PLEKHG1: variants seen among roughly 807,000 people sequenced by gnomAD.
PLEKHG1 encodes the protein pleckstrin homology domain-containing family G member 1.
PLEKHG1 carries 44 observed loss-of-function variants against 100.8 expected under a neutral mutation model. The ratio of observed to expected loss-of-function variants is 0.44; its 90% CI spans 0.34 to 0.56. The LOEUF is 0.56. PLEKHG1 is among the 20% of genes least tolerant of loss of function. The probability of loss-of-function intolerance (pLI) is 0.01; values close to 1 mark genes in which losing one functional copy is unlikely to be tolerated. For missense variants in PLEKHG1, 1,545 were observed against 1,720.9 expected (o/e 0.90, Z 1.81); for synonymous variants, 640 against 662.5 (o/e 0.97, Z 0.52).
At chr6:150,782,642 A>G (rs1247081195) in intron 3 of PLEKHG1, among the ~76,000 whole-genome samples, 4 of 152,224 alleles carry the variant, frequency 2.6e-5, no homozygotes, top group Non-Finnish European at 5.9e-5. Context: ...TGCAACAGAT[A>G]GAATGCAGAA....
Position 150,683,647 on chromosome 6 carries a change from A to G in PLEKHG1, c.-99+32861A>G. On this transcript the variant is annotated intron_variant, in intron 3 of 3. Transcript: ENST00000367326. The surrounding 1 kb of genome is among the most constrained non-coding windows in gnomAD (Gnocchi z 4.0). Reference sequence around the variant, plus strand: ...CTTGGACACTGTGCATCCACCTGCTATAACTGGCAAACTAAGGATGACAGA... The same window carrying G: ...CTTGGACACTGTGCATCCACCTGCTGTAACTGGCAAACTAAGGATGACAGA... The G allele has an allele frequency of 2.1e-6, 1 of 467,862 alleles. No homozygotes were observed. The highest frequency in any genetic ancestry group is 3.5e-6 in the Non-Finnish European group (1 of 282,840). The allele number at this position is 467,862 out of a possible 1,614,324, so 29.0% of individuals were successfully genotyped here.
chr6:150,839,516 T>A (rs544027628), intron 15 of PLEKHG1, among the ~76,000 whole-genome samples: 1 of 152,356 alleles, frequency 6.6e-6, no homozygotes, highest in South Asian at 2.1e-4. Flanking sequence ...GCACTGACAC[T>A]GTTTTATGCT....
chr6:150,831,971 C>T lies in PLEKHG1; in HGVS notation c.2860C>T (p.Leu954=). ...TCCCTACGACCTGGCCAACAGTGGC[C>T]TGTCTCAAACAGACCCAGAAAACCC... Residue 954 remains leucine (L), a synonymous_variant, in exon 15 of 16, where the codon CTG becomes TTG. Coordinates refer to ENST00000358517, the Ensembl canonical transcript of PLEKHG1. This position sits in a 1 kb window ranked among gnomAD's most constrained non-coding sequence, Gnocchi z 4.1. 6.2e-7 allele frequency: 1 copy of T among 1,612,678 alleles called. No individual in the cohort carries two copies. Among genetic ancestry groups the T allele is most frequent in the Non-Finnish European group, 8.5e-7 (1 of 1,179,208 alleles).
At chr6:150,707,158 C>T (rs1781057172) in intron 3 of PLEKHG1, among the ~76,000 whole-genome samples, 2 of 151,760 alleles carry the variant, frequency 1.3e-5, no homozygotes, top group African/African-American at 4.8e-5. Context: ...GTGCGCGCCA[C>T]CATGCCTGGC....
rs954025586 is a variant in PLEKHG1, at chr6:150,818,281, A to G, written c.1312+65A>G. On this transcript the variant is annotated intron_variant, in intron 11 of 15. Transcript: ENST00000358517. Reference sequence around the variant, plus strand: ...TCTGTTTGTATCTATCACATTTTCTATCTTAAAGTTCATGAAAATGTCGAT... The same window carrying G: ...TCTGTTTGTATCTATCACATTTTCTGTCTTAAAGTTCATGAAAATGTCGAT... 40 of 1,158,400 alleles carry G rather than the reference A, an allele frequency of 3.5e-5. No homozygotes were observed. In the Admixed American group the frequency reaches 7.2e-4, roughly 21 times the overall value. 71.8% of individuals were successfully genotyped at this position (1,158,400 alleles called of 1,614,324 possible). A position where few individuals can be genotyped will look rare whatever the true frequency, so the allele number is the denominator to read the frequency against.
chr6:150,606,342 A>T (rs1283685724), intron 1 of PLEKHG1, among the ~76,000 whole-genome samples: 1 of 152,184 alleles, frequency 6.6e-6, no homozygotes, highest in African/African-American at 2.4e-5. Context: ...CTTCTGTTTT[A>T]TAGATTTAAT....
chr6:150,660,939 G>T (rs946495620), intron 3 of PLEKHG1, among the ~76,000 whole-genome samples: 1 of 152,192 alleles, frequency 6.6e-6, no homozygotes, highest in African/African-American at 2.4e-5. Context: ...TTGTTGATCT[G>T]CCAAGCTTAA....
At chr6:150,711,534 G>A (rs1456292540) in intron 3 of PLEKHG1, among the ~76,000 whole-genome samples, 3 of 152,200 alleles carry the variant, frequency 2.0e-5, no homozygotes, top group East Asian at 1.9e-4. Context: ...GTAACTAACA[G>A]TATCTAAGCA....
intron 1 of PLEKHG1, among the ~76,000 whole-genome samples, chr6:150,628,575 C>CACACACACAA: frequency 7.3e-6 from 1 of 137,370 alleles, no homozygotes. Flanking sequence ...CACACACACA[C>CACACACACAA]ACCCCGTCCT....
upstream of PLEKHG1, among the ~76,000 whole-genome samples, chr6:150,720,935 C>G (rs1355286878): frequency 3.9e-5 from 6 of 152,142 alleles, no homozygotes; most frequent in Non-Finnish European, 7.3e-5. Context: ...TCCTGTTTCT[C>G]AATTGAATGA....
intron 1 of PLEKHG1, among the ~76,000 whole-genome samples, chr6:150,610,448 C>T (rs1024296854): frequency 6.6e-6 from 1 of 152,180 alleles, no homozygotes; most frequent in African/African-American, 2.4e-5. Flanking sequence ...ATTTCGTTGT[C>T]CACCTTCCCT....
rs1212311635 is a variant in PLEKHG1 at position 150,701,466 on chromosome 6, T to TATAAAA, written c.-98-32117_-98-32116insTAAAAA. 5.6e-4 allele frequency among the ~76,000 whole-genome samples: 47 copies of TATAAAA among 84,194 alleles called. 3 individuals carry two copies. The highest frequency in any genetic ancestry group is 5.4e-3 in the African/African-American group (46 of 8,572). The allele number at this position is 84,194 out of a possible 152,430, so 55.2% of individuals were successfully genotyped here. ...ATATATATATATATATATATATATA[T>TATAAAA]AATTATACTTTAAGTTCTAGGGTAC... On this transcript the variant is annotated intron_variant, in intron 3 of 3. Transcript: ENST00000367326.
intron 3 of PLEKHG1, among the ~76,000 whole-genome samples, chr6:150,658,553 C>G (rs1273769832): frequency 6.6e-6 from 1 of 152,190 alleles, no homozygotes; most frequent in Non-Finnish European, 1.5e-5. Context: ...AATCATTTGT[C>G]TATGGTTTCC....
chr6:150,790,550 A>G (rs964906793), intron 4 of PLEKHG1, among the ~76,000 whole-genome samples: 2 of 152,178 alleles, frequency 1.3e-5, no homozygotes, highest in Non-Finnish European at 2.9e-5. Context: ...CCAGTCCTAC[A>G]TCGAGAGATC....
intron 15 of PLEKHG1, among the ~76,000 whole-genome samples, chr6:150,833,662 G>A (rs1777079779): frequency 6.6e-6 from 1 of 152,206 alleles, no homozygotes; most frequent in South Asian, 2.1e-4. Context: ...TTACCTCCAG[G>A]CACAGAGAGA....
upstream of PLEKHG1, among the ~76,000 whole-genome samples, chr6:150,718,469 CTTTTTTT>C (rs3072740): frequency 1.4e-3 from 186 of 130,682 alleles, no homozygotes; most frequent in South Asian, 4.0e-3. Flanking sequence ...CTTCCCTTTA[CTTTTTTT>C]TTTTTTTTTT....
At chr6:150,829,593 C>T (rs1776799157) in intron 14 of PLEKHG1, among the ~76,000 whole-genome samples, 1 of 152,132 alleles carries the variant, frequency 6.6e-6, no homozygotes, top group African/African-American at 2.4e-5. Context: ...ACCCAGGCTG[C>T]ATTCCAGCCT....
chr6:150,836,822 CAAA>C (rs58375227), intron 15 of PLEKHG1, among the ~76,000 whole-genome samples: 6 of 131,230 alleles, frequency 4.6e-5, no homozygotes, highest in Non-Finnish European at 6.6e-5. Flanking sequence ...GACCCTGTCT[CAAA>C]AAAAAAAAAA....
chr6:150,826,442 G>A (rs1441780339), intron 14 of PLEKHG1, among the ~76,000 whole-genome samples: 3 of 152,042 alleles, frequency 2.0e-5, no homozygotes, highest in African/African-American at 7.2e-5. Context: ...TGGGCAACAG[G>A]GTGAGACTCT....
Sources: gnomAD v4.1 joint callset for allele counts (sites outside exome capture counted in the v4.1 genomes callset) on GRCh38, gnomAD v4.1.1 for gene constraint, Gnocchi (gnomAD v3.1) non-coding constraint, MANE v1.5 for transcripts, NCBI Gene and HGNC (gene_info 2026-07-23, HGNC 2026-07-21) for gene names.